The following HECW2 variants were observed in gnomAD, a reference collection of about 807,000 sequenced individuals.
The protein encoded by HECW2 is E3 ubiquitin-protein ligase HECW2.
Under a neutral mutation model 175.2 loss-of-function variants are expected in HECW2, and 61 were observed. The observed-to-expected ratio is 0.35, with a 90% confidence interval of 0.28 to 0.43. The LOEUF is 0.43. Ranked by LOEUF, HECW2 falls within the 20% of genes least tolerant of loss-of-function variation. The probability of loss-of-function intolerance (pLI) is 1.00; values close to 1 mark genes in which losing one functional copy is unlikely to be tolerated. For missense variants in HECW2, 1,524 were observed against 2,000.5 expected (o/e 0.76, Z 4.54); for synonymous variants, 671 against 731.0 (o/e 0.92, Z 1.32).
intron 22 of HECW2, among the ~76,000 whole-genome samples, chr2:196,227,778 G>A (rs1319524462): frequency 6.6e-6 from 1 of 152,142 alleles, no homozygotes; most frequent in Admixed American, 6.5e-5. Flanking sequence ...GGCACCCAAA[G>A]GTACAGAGAG....
At chr2:196,454,167 C>T (rs943559951) in intron 1 of HECW2, among the ~76,000 whole-genome samples, 5 of 152,076 alleles carry the variant, frequency 3.3e-5, no homozygotes, top group African/African-American at 4.8e-5. Context: ...ACCATATTGG[C>T]CAAGCTGGTC....
At chr2:196,404,727 G>A (rs1315438946) in intron 2 of HECW2, among the ~76,000 whole-genome samples, 2 of 149,366 alleles carry the variant, frequency 1.3e-5, no homozygotes, top group Non-Finnish European at 3.0e-5. Flanking sequence ...ATCACCCCCA[G>A]TTATCAATTT....
At chr2:196,420,407 G>A (rs1308034412) in intron 2 of HECW2, among the ~76,000 whole-genome samples, 5 of 152,214 alleles carry the variant, frequency 3.3e-5, no homozygotes, top group Admixed American at 1.3e-4. Context: ...GATTGCAAGC[G>A]TAAGATTGGT....
rs1686615790 is a variant in HECW2, at chr2:196,194,109, C to CT, written c.*7167dup. Reference sequence around the variant, plus strand: ...TTATGATTTGTATTATAATTCATTCCTTTAACATTAACAGCCCATCAAACA... The same window carrying CT: ...TTATGATTTGTATTATAATTCATTCCTTTTAACATTAACAGCCCATCAAACA... On this transcript the variant is annotated 3_prime_UTR_variant, in exon 29 of 29. Coordinates refer to ENST00000644978, the MANE Select transcript of HECW2 (RefSeq NM_001348768.2). The CT allele has an allele frequency of 1.3e-5, 2 of 151,978 alleles. No homozygotes were observed. The highest frequency in any genetic ancestry group is 4.1e-4 in the South Asian group (2 of 4,826). The allele number at this position is 151,978 out of a possible 1,614,324, so 9.4% of individuals were successfully genotyped here.
At position 196,488,245 on chromosome 2, in the gene HECW2, A is replaced by G. The variant is rs550414461; in HGVS notation, c.-35-54787T>C. On this transcript the variant is annotated intron_variant, in intron 1 of 28. Transcript: ENST00000644978. Reference sequence around the variant, plus strand: ...ACCATATCCTTCTTATATTCAAAACAACATAACATTTACTTCCCCTCTTAC... The same window carrying G: ...ACCATATCCTTCTTATATTCAAAACGACATAACATTTACTTCCCCTCTTAC... 7.9e-5 allele frequency among the ~76,000 whole-genome samples: 12 copies of G among 152,330 alleles called. No homozygotes were observed. The South Asian group carries it at 2.3e-3, about 29-fold the overall frequency.
At chr2:196,254,142 G>A (rs909097551) in intron 18 of HECW2, 113 bp from the exon 19 acceptor site, 1 of 1,431,846 alleles carries the variant, frequency 7.0e-7, no homozygotes, top group Non-Finnish European at 9.3e-7. Context: ...CCCAAAGAGA[G>A]CATCCGCCCC....
intron 2 of HECW2, among the ~76,000 whole-genome samples, chr2:196,384,527 A>T (rs1340626604): frequency 6.6e-6 from 1 of 152,190 alleles, no homozygotes; most frequent in African/African-American, 2.4e-5. Context: ...TGCTGCAGTG[A>T]GCCGAGACAG....
At chr2:196,376,288 A>G (rs1279577964) in intron 2 of HECW2, among the ~76,000 whole-genome samples, 1 of 152,190 alleles carries the variant, frequency 6.6e-6, no homozygotes, top group African/African-American at 2.4e-5. Flanking sequence ...AAATAATCTC[A>G]TCATACTGAG....
intron 1 of HECW2, among the ~76,000 whole-genome samples, chr2:196,460,007 T>C (rs1696675743): frequency 6.6e-6 from 1 of 152,186 alleles, no homozygotes; most frequent in Non-Finnish European, 1.5e-5. Context: ...TGAATCCCTG[T>C]CTTATTCTTC....
chr2:196,258,636 T>A (rs1689162841), intron 17 of HECW2, among the ~76,000 whole-genome samples: 1 of 152,192 alleles, frequency 6.6e-6, no homozygotes, highest in Admixed American at 6.5e-5. Context: ...ATGTCACTAT[T>A]TTCAATTTGT....
At chr2:196,301,164 A>T (rs111925907) in intron 13 of HECW2, among the ~76,000 whole-genome samples, 3 of 145,574 alleles carry the variant, frequency 2.1e-5, no homozygotes, top group African/African-American at 8.5e-5. Flanking sequence ...TGCTGAGAAT[A>T]ATAGCTTCCA....
intron 3 of HECW2, among the ~76,000 whole-genome samples, chr2:196,340,943 A>AC (rs1692729361): frequency 6.9e-6 from 1 of 144,794 alleles, no homozygotes. Context: ...AAAAAAAAAA[A>AC]CCCTTCTCTT....
intron 1 of HECW2, among the ~76,000 whole-genome samples, chr2:196,563,171 AATTG>A (rs1242465856): frequency 6.6e-6 from 1 of 151,482 alleles, no homozygotes; most frequent in African/African-American, 2.4e-5. Context: ...TCCATCAAAC[AATTG>A]ATGATAGAAG....
chr2:196,361,379 C>T (rs1178797846), intron 2 of HECW2, among the ~76,000 whole-genome samples: 2 of 152,196 alleles, frequency 1.3e-5, no homozygotes, highest in African/African-American at 2.4e-5. Flanking sequence ...TCTGTTTTCA[C>T]ATCTCACTCC....
At chr2:196,419,829 A>T (rs1225165303) in intron 2 of HECW2, among the ~76,000 whole-genome samples, 1 of 151,970 alleles carries the variant, frequency 6.6e-6, no homozygotes, top group Non-Finnish European at 1.5e-5. Flanking sequence ...TGGTTCAGCA[A>T]CTCTTCCAAG....
chr2:196,278,133 A>AAAAAAAAAATATATATAT (rs531920307), intron 15 of HECW2, among the ~76,000 whole-genome samples: 6 of 66,550 alleles, frequency 9.0e-5, no homozygotes, highest in South Asian at 1.3e-3. Flanking sequence ...ATAATTAAAA[A>AAAAAAAAAATATATATAT]ATATATATAT....
chr2:196,541,545 C>A (rs772075772), intron 1 of HECW2, among the ~76,000 whole-genome samples: 1 of 152,056 alleles, frequency 6.6e-6, no homozygotes, highest in Non-Finnish European at 1.5e-5. Context: ...CGGAGGAAGG[C>A]TTATGGGTAT....
chr2:196,289,229 C>A (rs1411740452), intron 14 of HECW2: 1 of 152,206 alleles, frequency 6.6e-6, no homozygotes, highest in Non-Finnish European at 1.5e-5. Context: ...TGTTAAGAAC[C>A]ATTTCCTTTC....
chr2:196,449,061 C>T (rs533302611), intron 1 of HECW2, among the ~76,000 whole-genome samples: 8 of 152,194 alleles, frequency 5.3e-5, no homozygotes, highest in East Asian at 1.9e-4. Context: ...GGTGAGTGTC[C>T]GTGGCACCTG....
Sources: gnomAD v4.1 joint callset for allele counts (sites outside exome capture counted in the v4.1 genomes callset) on GRCh38, gnomAD v4.1.1 for gene constraint, MANE v1.5 for transcripts, NCBI Gene and HGNC (gene_info 2026-07-23, HGNC 2026-07-21) for gene names.